Variants in INTS1 observed in about 807,000 individuals in gnomAD.
INTS1 encodes the protein integrator complex subunit 1.
A neutral mutation model predicts 241.6 loss-of-function variants in INTS1; 137 were observed. The observed-to-expected ratio is 0.57, with a 90% confidence interval of 0.49 to 0.65. INTS1 has a LOEUF of 0.65. Ranked by LOEUF, INTS1 falls within the 30% of genes least tolerant of loss-of-function variation. The pLI, the probability that INTS1 is intolerant of heterozygous loss-of-function variation, is 0.00. For synonymous variants in INTS1, 1,692 were observed against 1,337.8 expected (o/e 1.26, Z -5.78); for missense variants, 3,073 against 3,032.2 (o/e 1.01, Z -0.32).
Position 1,478,809 on chromosome 7 carries a change from C to CT in INTS1, c.4405dup (p.Ser1469LysfsTer28). On this transcript the variant is annotated frameshift_variant, in exon 32 of 48. Coordinates refer to ENST00000404767, the MANE Select transcript of INTS1 (RefSeq NM_001080453.3). LOFTEE classifies it high-confidence loss of function. ...CAGGGGCCCGCCCTCCACGCCAGGG[C>CT]TGTCCAGCCACTGCAGCATCTGCAG... The CT allele has an allele frequency of 6.2e-7, 1 of 1,608,154 alleles. No homozygotes were observed.
chr7:1,473,632 T>G lies in INTS1; in HGVS notation c.5891A>C (p.His1964Pro). Reference sequence around the variant, plus strand: ...TGGGGCATTGTAGGTAATGTACTTATGGATGAACTGCACAAACTTGTTGAT... The same window carrying G: ...TGGGGCATTGTAGGTAATGTACTTAGGGATGAACTGCACAAACTTGTTGAT... Reference protein sequence around the residue: ...AFINKFVQFIHKYITYNAPAA... With the variant: ...AFINKFVQFIPKYITYNAPAA... The change falls in exon 42 of 48, where the codon CAT becomes CCT. Residue 1964 changes from histidine to proline, a missense_variant. By Grantham distance (77) the His-to-Pro change is moderately conservative (BLOSUM62 -2). Transcript: ENST00000404767. The G allele has an allele frequency of 6.2e-7, 1 of 1,613,342 alleles. No individual in the cohort carries two copies. The highest frequency in any genetic ancestry group is 1.1e-5 in the South Asian group (1 of 91,022).
At chr7:1,499,656 C>A (rs772952780) in intron 5 of INTS1, 24 bp from the exon 6 acceptor site, 178 of 1,576,210 alleles carry the variant, frequency 1.1e-4, no homozygotes, top group Non-Finnish European at 1.4e-4. Flanking sequence ...ACACCCTCAG[C>A]CCCGAGCCCA....
At position 1,503,139 on chromosome 7, in the gene INTS1, A is replaced by G. The variant is rs752100137; in HGVS notation, c.111T>C (p.Asn37=). 30 of 1,589,654 alleles carry G rather than the reference A, an allele frequency of 1.9e-5. No individual in the cohort carries two copies. The highest frequency in any genetic ancestry group is 2.6e-5 in the Non-Finnish European group (30 of 1,164,648). ...FIALGSKGQA[N]ESKTASTLLK... ...GCAGGGTGGACGCCGTTTTCGATTC[A>G]TTGGCCTGACCCTTTGAGCCCAGAG... The change falls in exon 3 of 48, where the codon AAT becomes AAC. Residue 37 remains asparagine, a synonymous_variant. Transcript: ENST00000404767.
intron 43 of INTS1, 79 bp from the exon 44 acceptor site, chr7:1,472,465 G>T: frequency 9.7e-7 from 1 of 1,026,232 alleles, no homozygotes; most frequent in South Asian, 1.6e-5. Context: ...CTGCCCTCCC[G>T]AGAGCACGGC....
In INTS1 at chr7:1,494,726, TC is replaced by T. The variant is rs1472380237; in HGVS notation, c.1910+89del. The T allele has an allele frequency of 2.3e-6, 3 of 1,297,574 alleles. No individual in the cohort carries two copies. The African/African-American group carries it at 4.4e-5, about 19-fold the overall frequency. 80.4% of individuals were successfully genotyped at this position (1,297,574 alleles called of 1,614,324 possible). A position where few individuals can be genotyped will look rare whatever the true frequency, so the allele number is the denominator to read the frequency against. ...GTGACCATGGGAACAGCCGCCCAAC[TC>T]CCACTGGCCCTTCCTGCCGCAGCCG... On this transcript the variant is annotated intron_variant, in intron 14 of 47. Transcript: ENST00000404767.
Position 1,493,838 on chromosome 7 carries a change from A to T in INTS1, c.1984T>A (p.Ser662Thr). 6.4e-7 allele frequency: 1 copy of T among 1,571,284 alleles called. No homozygotes were observed. The highest frequency in any genetic ancestry group is 8.6e-7 in the Non-Finnish European group (1 of 1,159,376). ...GCAGGCCCGAGCGGGAGCTCCCGGG[A>T]CAGCCCGATGACCAGGATGCGCATC... The part of the protein sequence containing the change: ...TLMRILVIGL[S>T]RELPLGPADA... The change falls in exon 15 of 48, where the codon TCC becomes ACC. Residue 662 changes from serine to threonine, a missense_variant. By Grantham distance (58) the Ser-to-Thr change is moderately conservative (BLOSUM62 1). Coordinates refer to ENST00000404767, the MANE Select transcript of INTS1 (RefSeq NM_001080453.3). This position sits in a 1 kb window ranked among gnomAD's most constrained non-coding sequence, Gnocchi z 5.3.
intron 24 of INTS1, among the ~76,000 whole-genome samples, chr7:1,484,659 C>T (rs111354902): frequency 0.015 from 2,311 of 152,314 alleles, 57 homozygotes; most frequent in African/African-American, 0.05. Flanking sequence ...AGCCCAAACC[C>T]TCCTGGCGTC....
intron 31 of INTS1, 128 bp from the exon 32 acceptor site, chr7:1,479,013 C>CTG: frequency 9.8e-7 from 1 of 1,018,292 alleles, no homozygotes. Flanking sequence ...CCTGGGCCAA[C>CTG]CTCATCCCGC....
In INTS1 at chr7:1,493,836, G is replaced by T. The variant is rs536460569; in HGVS notation, c.1986C>A (p.Ser662=). The T allele has an allele frequency of 6.4e-7, 1 of 1,571,270 alleles. No homozygotes were observed. The highest frequency in any genetic ancestry group is 8.6e-7 in the Non-Finnish European group (1 of 1,159,404). ...TLMRILVIGL[S]RELPLGPADA... ...CCGCAGGCCCGAGCGGGAGCTCCCG[G>T]GACAGCCCGATGACCAGGATGCGCA... Residue 662 remains serine (S), a synonymous_variant, in exon 15 of 48, where the codon TCC becomes TCA. Transcript: ENST00000404767. The surrounding 1 kb of genome is among the most constrained non-coding windows in gnomAD (Gnocchi z 5.3).
intron 19 of INTS1, 78 bp from the exon 20 acceptor site, chr7:1,487,527 G>A: frequency 6.7e-7 from 1 of 1,501,136 alleles, no homozygotes; most frequent in South Asian, 1.3e-5. Flanking sequence ...TCCCATCCCT[G>A]CTTCGAGGGG....
chr7:1,503,403 C>G (rs1783295917), intron 2 of INTS1, among the ~76,000 whole-genome samples: 1 of 152,194 alleles, frequency 6.6e-6, no homozygotes, highest in African/African-American at 2.4e-5. Context: ...TAACCACAAA[C>G]CAGGCCATCT....
intron 22 of INTS1, 66 bp from the exon 23 acceptor site, chr7:1,485,535 GGGA>G (rs1782216865): frequency 6.6e-7 from 1 of 1,514,554 alleles, no homozygotes; most frequent in African/African-American, 1.4e-5. Flanking sequence ...CCCTGGCCCC[GGGA>G]GCACACGCAT....
chr7:1,498,947 C>CAG, intron 8 of INTS1, 28 bp downstream of exon 8: 1 of 1,339,462 alleles, frequency 7.5e-7, no homozygotes. Context: ...CCCCCTGCCC[C>CAG]GCCCACCCCC....
Position 1,478,105 on chromosome 7 carries a change from C to T in INTS1, c.4631-169G>A, listed in dbSNP as rs562518459. On this transcript the variant is annotated intron_variant, in intron 33 of 47. Transcript: ENST00000404767. ...GCAGCCGGGGCCGGAGAGGAGAGTGCGGCCGGGGCTGGAGAGTGCGGCCGG... is the reference window on the plus strand; with the variant it reads ...GCAGCCGGGGCCGGAGAGGAGAGTGTGGCCGGGGCTGGAGAGTGCGGCCGG... Among the ~76,000 whole-genome samples the T allele has an allele frequency of 2.4e-3, 357 of 148,238 alleles. 1 individual carries two copies. Among genetic ancestry groups the T allele is most frequent in the African/African-American group, 7.9e-3 (327 of 41,232 alleles).
Position 1,477,714 on chromosome 7 carries a change from C to T in INTS1, c.4814+39G>A, listed in dbSNP as rs944535164. The T allele has an allele frequency of 1.1e-5, 17 of 1,605,492 alleles. No individual in the cohort carries two copies. The African/African-American group carries it at 1.5e-4, about 14-fold the overall frequency. On this transcript the variant is annotated intron_variant, in intron 34 of 47. Transcript: ENST00000404767. The stretch of plus-strand genomic sequence containing the variant: ...GGCTCAGGGAAGGGCTGGTGCCACC[C>T]GCCTGCCCACCCTGGCCGTGTGCAG...
chr7:1,484,107 G>T lies in INTS1; in HGVS notation c.3325C>A (p.Pro1109Thr). ...AGCACGGCGTCCGACGCGGCACTCG[G>T]GGAGAGCTTCGAGAAGAGGTGGGAC... ...IMSHLFSKLS[P>T]SAASDAVLSA... Residue 1109 changes from proline to threonine, a missense_variant, in exon 25 of 48, where the codon CCG (proline) becomes ACG (threonine). Pro to Thr is a conservative substitution (Grantham distance 38). Transcript: ENST00000404767. The T allele has an allele frequency of 6.2e-7, 1 of 1,612,552 alleles. No individual in the cohort carries two copies. Among genetic ancestry groups the T allele is most frequent in the Non-Finnish European group, 8.5e-7 (1 of 1,179,760 alleles).
Position 1,494,854 on chromosome 7 carries a change from G to C in INTS1, c.1872C>G (p.Tyr624Ter). 6.4e-7 allele frequency: 1 copy of C among 1,569,200 alleles called. No individual in the cohort carries two copies. The highest frequency in any genetic ancestry group is 8.6e-7 in the Non-Finnish European group (1 of 1,157,766). Residue 624 changes from tyrosine (Y) to a stop codon, truncating the protein, a stop_gained, in exon 14 of 48, where the codon TAC (tyrosine) becomes TAG (stop). Coordinates refer to ENST00000404767, the MANE Select transcript of INTS1 (RefSeq NM_001080453.3). LOFTEE classifies it high-confidence loss of function. ...KVLFTEQPET[Y>*]YKWDNWPPES... ...CGGGTGGCCAGTTGTCCCACTTGTA[G>C]TAGGTCTCCGGCTGCTCTGTGAACA...
Position 1,474,225 on chromosome 7 carries a change from G to T in INTS1, c.5772C>A (p.Arg1924=). 1 of 1,599,344 alleles carries T rather than the reference G, an allele frequency of 6.3e-7. No homozygotes were observed. Residue 1924 remains arginine (R), a synonymous_variant, in exon 41 of 48, where the codon CGC becomes CGA. Transcript: ENST00000404767. ...LLELLQPHVF[R]SEHQGALWDC... ...CCCACAGCGCCCCCTGGTGCTCGCTGCGGAACACGTGCGGCTGCAGCAGCT... is the reference window on the plus strand; with the variant it reads ...CCCACAGCGCCCCCTGGTGCTCGCTTCGGAACACGTGCGGCTGCAGCAGCT...
At chr7:1,483,600 G>A (rs759375389) in intron 26 of INTS1, 142 bp downstream of exon 26, 25 of 711,262 alleles carry the variant, frequency 3.5e-5, no homozygotes, top group South Asian at 3.0e-4. Context: ...TCCTCTTTAG[G>A]AGAGAAGCCA....
Sources: gnomAD v4.1 joint callset for allele counts (sites outside exome capture counted in the v4.1 genomes callset) on GRCh38, gnomAD v4.1.1 for gene constraint, Gnocchi (gnomAD v3.1) non-coding constraint, MANE v1.5 for transcripts, NCBI Gene and HGNC (gene_info 2026-07-23, HGNC 2026-07-21) for gene names.